TSC22D2: variants seen among roughly 807,000 people sequenced by gnomAD.
The protein encoded by TSC22D2 is TSC22 domain family member 2, also known as TSC22 domain family protein 2.
Under a neutral mutation model 50.1 loss-of-function variants are expected in TSC22D2, and 5 were observed. The observed-to-expected ratio is 0.10, with a 90% CI of 0.05 to 0.21. The LOEUF is 0.21. TSC22D2 is among the 10% of genes least tolerant of loss of function. The pLI, the probability that TSC22D2 is intolerant of heterozygous loss-of-function variation, is 1.00. For synonymous variants in TSC22D2, 501 were observed against 450.1 expected (o/e 1.11, Z -1.43); for missense variants, 1,003 against 1,015.5 (o/e 0.99, Z 0.17).
rs1285760454 is a variant in TSC22D2 at position 150,410,266 on chromosome 3, A to G, written c.916A>G (p.Met306Val). ...PGAATGPQPM[M>V]AAAQPSQPQG... is the part of the protein sequence containing the mutation. ...AGCCGCGACCGGGCCGCAGCCAATGATGGCAGCCGCGCAGCCCAGCCAGCC... is the reference window on the plus strand; with the variant it reads ...AGCCGCGACCGGGCCGCAGCCAATGGTGGCAGCCGCGCAGCCCAGCCAGCC... The change falls in exon 1 of 3, where the codon ATG becomes GTG. Residue 306 changes from methionine (M) to valine (V), a missense_variant. By Grantham distance (21) the Met-to-Val change is conservative. Coordinates refer to ENST00000688009, the MANE Select transcript of TSC22D2 (RefSeq NM_001303264.2). 14 of 1,557,198 alleles carry G rather than the reference A, an allele frequency of 9.0e-6. No homozygotes were observed. Among genetic ancestry groups the G allele is most frequent in the Non-Finnish European group, 1.2e-5 (14 of 1,151,820 alleles).
rs534635584 is a variant in TSC22D2, at chr3:150,452,834, T to C, written c.1959-4242T>C. Among the ~76,000 whole-genome samples, 7 of 152,356 alleles carry C rather than the reference T, an allele frequency of 4.6e-5. No individual in the cohort carries two copies. The East Asian group carries it at 1.3e-3, about 29-fold the overall frequency. On this transcript the variant is annotated intron_variant, in intron 1 of 2. Coordinates refer to ENST00000688009, the MANE Select transcript of TSC22D2 (RefSeq NM_001303264.2). ...CAGCTCTATATTTCTGTTCATTCTCTCCATATCCACAATTTTTAATGCATC... is the reference window on the plus strand; with the variant it reads ...CAGCTCTATATTTCTGTTCATTCTCCCCATATCCACAATTTTTAATGCATC...
In TSC22D2 at chr3:150,445,644, A is replaced by G. The variant is rs115110534; in HGVS notation, c.1959-11432A>G. Among the ~76,000 whole-genome samples the G allele has an allele frequency of 2.0e-3, 298 of 152,318 alleles. 1 individual carries two copies. The highest frequency in any genetic ancestry group is 3.4e-3 in the Non-Finnish European group (229 of 68,030). On this transcript the variant is annotated intron_variant, in intron 1 of 2. Coordinates refer to ENST00000688009, the MANE Select transcript of TSC22D2 (RefSeq NM_001303264.2). The stretch of plus-strand genomic sequence containing the variant: ...CAAAGTCCAAATTGATCCAAATGAT[A>G]AAAGGAACTAATTGGGTTGTTGTGT...
Position 150,462,651 on chromosome 3 carries a change from T to TTA in TSC22D2, c.*4016_*4017insAT, listed in dbSNP as rs1721450537. ...TTTTTTCTTTTTTCTTTTTTTTTTT[T>TTA]TTTGAGACAGAGTCTTGCTGTGCTC... On this transcript the variant is annotated 3_prime_UTR_variant, in exon 3 of 3. Transcript: ENST00000688009. 6.6e-6 allele frequency: 1 copy of TTA among 150,896 alleles called. No homozygotes were observed. The highest frequency in any genetic ancestry group is 1.5e-5 in the Non-Finnish European group (1 of 68,388). 9.3% of individuals were successfully genotyped at this position (150,896 alleles called of 1,614,324 possible).
intron 1 of TSC22D2, among the ~76,000 whole-genome samples, chr3:150,455,405 T>C (rs1721155601): frequency 3.9e-5 from 6 of 152,228 alleles, no homozygotes; most frequent in Non-Finnish European, 8.8e-5. Flanking sequence ...TTTCTAGATA[T>C]TAGATATACA....
At chr3:150,442,628 CTAT>C (rs1720754050) in intron 1 of TSC22D2, among the ~76,000 whole-genome samples, 1 of 152,142 alleles carries the variant, frequency 6.6e-6, no homozygotes, top group Non-Finnish European at 1.5e-5. Context: ...GTACCCGGTC[CTAT>C]TATTGTCCTT....
chr3:150,449,559 C>T (rs181855151), intron 1 of TSC22D2, among the ~76,000 whole-genome samples: 2 of 152,184 alleles, frequency 1.3e-5, no homozygotes, highest in Admixed American at 1.3e-4. Context: ...CATCTCAGTA[C>T]TAGAAAAGTA....
intron 1 of TSC22D2, among the ~76,000 whole-genome samples, chr3:150,432,013 G>A (rs963494423): frequency 2.0e-5 from 3 of 152,132 alleles, no homozygotes; most frequent in Admixed American, 2.0e-4. Context: ...TGGTAGTTGT[G>A]TTAGGTGGCT....
In TSC22D2 at chr3:150,462,679, G is replaced by C. The variant is rs978546719; in HGVS notation, c.*4043G>C. 7.0e-6 allele frequency: 1 copy of C among 142,114 alleles called. No homozygotes were observed. The highest frequency in any genetic ancestry group is 2.6e-5 in the African/African-American group (1 of 38,426). The allele number at this position is 142,114 out of a possible 1,614,324, so 8.8% of individuals were successfully genotyped here. ...TGAGACAGAGTCTTGCTGTGCTCAG[G>C]CTGGAGTGCAGTGGCAAGATCTCGG... On this transcript the variant is annotated 3_prime_UTR_variant, in exon 3 of 3. Coordinates refer to ENST00000688009, the MANE Select transcript of TSC22D2 (RefSeq NM_001303264.2).
At position 150,408,634 on chromosome 3, in the gene TSC22D2, C is replaced by G. The variant is rs1719344930; in HGVS notation, c.-717C>G. On this transcript the variant is annotated 5_prime_UTR_variant, in exon 1 of 3. Transcript: ENST00000688009. ...AGGGGAGGACCGAGCCGGCTTTCCC[C>G]TCCCCCAGAGCGGGTTTCCGCCTGA... The G allele has an allele frequency of 1.3e-5, 2 of 152,474 alleles. No individual in the cohort carries two copies. Among genetic ancestry groups the G allele is most frequent in the Non-Finnish European group, 2.9e-5 (2 of 68,220 alleles). The allele number at this position is 152,474 out of a possible 1,614,324, so 9.4% of individuals were successfully genotyped here.
chr3:150,458,129 A>G lies in TSC22D2; in HGVS notation c.2011-247A>G, dbSNP rs143388857. Among the ~76,000 whole-genome samples the G allele has an allele frequency of 1.7e-3, 264 of 151,750 alleles. 1 individual carries two copies. The highest frequency in any genetic ancestry group is 6.2e-3 in the African/African-American group (254 of 41,300). ...TTTTTAATTCTAAGCTTAGTTGACA[A>G]TTTAAGAAGCTAGTATTTTTTGGAA... On this transcript the variant is annotated intron_variant, in intron 2 of 2. Coordinates refer to ENST00000688009, the MANE Select transcript of TSC22D2 (RefSeq NM_001303264.2).
rs766218875 is a variant in TSC22D2, at chr3:150,410,879, C to T, written c.1529C>T (p.Pro510Leu). 5.6e-6 allele frequency: 9 copies of T among 1,613,890 alleles called. No homozygotes were observed. Among genetic ancestry groups the T allele is most frequent in the Admixed American group, 1.7e-5 (1 of 60,010 alleles). Residue 510 changes from proline (P) to leucine (L), a missense_variant, in exon 1 of 3, where the codon CCT becomes CTT. Pro to Leu is a moderately conservative substitution (Grantham distance 98). Coordinates refer to ENST00000688009, the MANE Select transcript of TSC22D2 (RefSeq NM_001303264.2). ...GTGGTGCCCGGAGTTCCAAACGTGC[C>T]TGCAGCCGTGCCCGCTCCAAGCGTG... ...HAVVPGVPNV[P>L]AAVPAPSVPS...
At chr3:150,432,427 T>C (rs1374852708) in intron 1 of TSC22D2, among the ~76,000 whole-genome samples, 2 of 152,010 alleles carry the variant, frequency 1.3e-5, no homozygotes, top group African/African-American at 4.8e-5. Flanking sequence ...TATTCATTTA[T>C]TCAATTCTTT....
Position 150,410,267 on chromosome 3 carries a change from T to A in TSC22D2, c.917T>A (p.Met306Lys). The change falls in exon 1 of 3, where the codon ATG becomes AAG. Residue 306 changes from methionine (M) to lysine (K), a missense_variant. Met to Lys is a moderately conservative substitution (Grantham distance 95). Coordinates refer to ENST00000688009, the MANE Select transcript of TSC22D2 (RefSeq NM_001303264.2). Reference protein sequence around the residue: ...PGAATGPQPMMAAAQPSQPQG... With the variant: ...PGAATGPQPMKAAAQPSQPQG... Reference sequence around the variant, plus strand: ...GCCGCGACCGGGCCGCAGCCAATGATGGCAGCCGCGCAGCCCAGCCAGCCC... The same window carrying A: ...GCCGCGACCGGGCCGCAGCCAATGAAGGCAGCCGCGCAGCCCAGCCAGCCC... 6.4e-7 allele frequency: 1 copy of A among 1,557,170 alleles called. No individual in the cohort carries two copies. The highest frequency in any genetic ancestry group is 1.2e-5 in the South Asian group (1 of 84,360).
In TSC22D2 at chr3:150,418,551, GCTAACTCTTGAA is replaced by G. The variant is rs1308994550; in HGVS notation, c.1958+7248_1958+7259del. ...ATTATTACTTGTACATTCTTTTGAG[GCTAACTCTTGAA>G]CTAAATCTTAAAATGGTCATTCAGA... On this transcript the variant is annotated intron_variant, in intron 1 of 2. Transcript: ENST00000688009. Among the ~76,000 whole-genome samples the G allele has an allele frequency of 3.3e-5, 5 of 151,900 alleles. No homozygotes were observed. In the East Asian group the frequency reaches 9.7e-4, roughly 29 times the overall value.
At chr3:150,437,662 G>T (rs1720589588) in intron 1 of TSC22D2, among the ~76,000 whole-genome samples, 1 of 151,638 alleles carries the variant, frequency 6.6e-6, no homozygotes, top group Non-Finnish European at 1.5e-5. Flanking sequence ...AAAAAAATTA[G>T]CCAGGCGTGG....
rs192106183 is a variant in TSC22D2 at position 150,464,679 on chromosome 3, C to A, written c.*6043C>A. ...AATATTGCCATCCCATGTAAAAATC[C>A]TTTGATATTGCCAGGAAACAACTTT... On this transcript the variant is annotated 3_prime_UTR_variant, in exon 3 of 3. Transcript: ENST00000688009. 6.6e-6 allele frequency: 1 copy of A among 152,082 alleles called. No homozygotes were observed. Among genetic ancestry groups the A allele is most frequent in the East Asian group, 1.9e-4 (1 of 5,174 alleles). The allele number at this position is 152,082 out of a possible 1,614,324, so 9.4% of individuals were successfully genotyped here.
At position 150,436,821 on chromosome 3, in the gene TSC22D2, CTT is replaced by C. The variant is rs1720560837; in HGVS notation, c.1959-20254_1959-20253del. On this transcript the variant is annotated intron_variant, in intron 1 of 2. Coordinates refer to ENST00000688009, the MANE Select transcript of TSC22D2 (RefSeq NM_001303264.2). ...ATAGTTTTTCAGACTACGTGAGAGA[CTT>C]AAGTGACCATGTGTAATAGAAAAGT... Among the ~76,000 whole-genome samples, 3 of 152,162 alleles carry C rather than the reference CTT, an allele frequency of 2.0e-5. No individual in the cohort carries two copies. In the South Asian group the frequency reaches 6.2e-4, roughly 32 times the overall value.
In TSC22D2 at chr3:150,460,839, A is replaced by G. The variant is rs185730549; in HGVS notation, c.*2203A>G. On this transcript the variant is annotated 3_prime_UTR_variant, in exon 3 of 3. Transcript: ENST00000688009. ...CCATTTTGATTCTGGGGCTGGAAAA[A>G]CACTTCATAAACAAAGTAATAGTCT... The G allele has an allele frequency of 6.6e-6, 1 of 150,928 alleles. No homozygotes were observed. The highest frequency in any genetic ancestry group is 6.7e-5 in the Admixed American group (1 of 14,948). 9.3% of individuals were successfully genotyped at this position (150,928 alleles called of 1,614,324 possible).
At chr3:150,436,188 A>G (rs1323256727) in intron 1 of TSC22D2, among the ~76,000 whole-genome samples, 1 of 152,174 alleles carries the variant, frequency 6.6e-6, no homozygotes, top group Non-Finnish European at 1.5e-5. Flanking sequence ...ATACAGCTCT[A>G]AAGTCCTGAT....
Sources: allele counts gnomAD v4.1 joint callset (sites outside exome capture counted in the v4.1 genomes callset), GRCh38; gene constraint gnomAD v4.1.1; transcripts MANE v1.5; gene names NCBI Gene and HGNC (gene_info 2026-07-23, HGNC 2026-07-21).